Variants in CDT1 observed in about 807,000 individuals in gnomAD.
CDT1 encodes the protein DNA replication factor Cdt1.
Under a neutral mutation model 49.3 loss-of-function variants are expected in CDT1, and 66 were observed. The observed-to-expected ratio is 1.34, with a 90% CI of 1.10 to 1.64. CDT1 has a LOEUF of 1.64. CDT1 is among the 40% of genes most tolerant of loss of function. CDT1 has a pLI of 0.00. For missense variants in CDT1, 958 were observed against 807.7 expected, an observed-to-expected ratio of 1.19 and a Z score of -2.26; for synonymous variants, 424 against 347.4, an observed-to-expected ratio of 1.22 and a Z score of -2.45.
intron 7 of CDT1, 124 bp from the exon 8 acceptor site, chr16:88,806,927 C>T (rs1020356626): frequency 4.2e-5 from 57 of 1,357,442 alleles, no homozygotes; most frequent in South Asian, 3.9e-4. Context: ...CTGCATTGAC[C>T]GGCACAGACC....
Position 88,808,189 on chromosome 16 carries a change from GACAC to G in CDT1, c.1553_1556del (p.Asp518AlafsTer67). 1.9e-6 allele frequency: 3 copies of G among 1,612,798 alleles called. No individual in the cohort carries two copies. Among genetic ancestry groups the G allele is most frequent in the Non-Finnish European group, 2.5e-6 (3 of 1,179,948 alleles). ...GCTCAGCCTCCACCGCATCCGCACC[GACAC>G]CTACGTCAAGCTGGACAAGGCCGCG... On this transcript the variant is annotated frameshift_variant, in exon 10 of 10. Transcript: ENST00000301019. LOFTEE classifies it low-confidence loss of function (END_TRUNC).
rs1243470581 is a variant in CDT1, at chr16:88,804,676, C to T, written c.351+9C>T. 3 of 1,612,030 alleles carry T rather than the reference C, an allele frequency of 1.9e-6. No homozygotes were observed. The highest frequency in any genetic ancestry group is 2.5e-6 in the Non-Finnish European group (3 of 1,179,662). ...CATCCGCGCAGGACCAGGTGAGGGG[C>T]GGGGCCTGGGGCAGATGCGGGAGGG... On this transcript the variant is annotated intron_variant, in intron 2 of 9. Coordinates refer to ENST00000301019, the MANE Select transcript of CDT1 (RefSeq NM_030928.4).
chr16:88,807,304 G>T lies in CDT1; in HGVS notation c.1299G>T (p.Lys433Asn). Reference protein sequence around the residue: ...LERIRAKEAQKQLAQMTRCPE... With the variant: ...LERIRAKEAQNQLAQMTRCPE... Reference sequence around the variant, plus strand: ...AGATCCGAGCCAAGGAGGCACAGAAGCAGCTGGCACAGATGACGCGGTGCC... The same window carrying T: ...AGATCCGAGCCAAGGAGGCACAGAATCAGCTGGCACAGATGACGCGGTGCC... The change falls in exon 9 of 10, where the codon AAG (lysine) becomes AAT (asparagine). Residue 433 changes from lysine to asparagine, a missense_variant. Physicochemically the swap from Lys to Asn is moderately conservative, Grantham distance 94. Transcript: ENST00000301019. The T allele has an allele frequency of 6.2e-7, 1 of 1,612,364 alleles. No individual in the cohort carries two copies. Among genetic ancestry groups the T allele is most frequent in the Non-Finnish European group, 8.5e-7 (1 of 1,179,930 alleles).
chr16:88,804,798 G>T lies in CDT1; in HGVS notation c.388G>T (p.Ala130Ser), dbSNP rs777272162. The T allele has an allele frequency of 1.9e-6, 3 of 1,612,788 alleles. No individual in the cohort carries two copies. The highest frequency in any genetic ancestry group is 2.2e-5 in the South Asian group (2 of 91,082). ...TGAGCTTGCGTCATGCCTGCAACGG[G>T]CCCGGGAGCTGGGGGCAAGAGTCCG... is the stretch of plus-strand genomic sequence containing the variant. ...ISELASCLQRARELGARVRAL... is the reference protein window; with the variant it reads ...ISELASCLQRSRELGARVRAL... Residue 130 changes from alanine to serine, a missense_variant, in exon 3 of 10, where the codon GCC becomes TCC. Ala to Ser is a moderately conservative substitution (Grantham distance 99). Coordinates refer to ENST00000301019, the MANE Select transcript of CDT1 (RefSeq NM_030928.4).
Position 88,805,491 on chromosome 16 carries a change from C to T in CDT1, c.540C>T (p.Gly180=). Residue 180 remains glycine, a synonymous_variant, in exon 4 of 10, where the codon GGC becomes GGT. Coordinates refer to ENST00000301019, the MANE Select transcript of CDT1 (RefSeq NM_030928.4). ...YQRFHALAQP[G]LPGLVLPYKY... is the part of the protein sequence containing the mutation. ...GCTTCCATGCCCTGGCCCAGCCCGG[C>T]CTGCCGGGACTCGTGCTGCCCTACA... 1.2e-6 allele frequency: 2 copies of T among 1,612,876 alleles called. No homozygotes were observed. Among genetic ancestry groups the T allele is most frequent in the South Asian group, 1.1e-5 (1 of 91,086 alleles).
intron 7 of CDT1, among the ~76,000 whole-genome samples, 185 bp downstream of exon 7, chr16:88,806,859 C>G (rs943704887): frequency 6.6e-6 from 1 of 152,268 alleles, no homozygotes; most frequent in African/African-American, 2.4e-5. Context: ...AAGCCTGGCT[C>G]TGCCACTAGC....
chr16:88,805,951 G>C, intron 5 of CDT1, 70 bp from the exon 6 acceptor site: 1 of 1,586,492 alleles, frequency 6.3e-7, no homozygotes, highest in Admixed American at 1.8e-5. Flanking sequence ...CTGGGCATCT[G>C]GCCCAGGACT....
At position 88,806,513 on chromosome 16, in the gene CDT1, A is replaced by G. The variant is rs144458606; in HGVS notation, c.961A>G (p.Met321Val). 3.9e-5 allele frequency: 63 copies of G among 1,610,998 alleles called. No homozygotes were observed. The highest frequency in any genetic ancestry group is 4.0e-5 in the Non-Finnish European group (47 of 1,179,258). ...CTTCCTGGCCTCCCTGAGCCCCGCCATGGTGGTGCCGGAGGACCAGCTGAC... is the reference window on the plus strand; with the variant it reads ...CTTCCTGGCCTCCCTGAGCCCCGCCGTGGTGGTGCCGGAGGACCAGCTGAC... ...KAFLASLSPA[M>V]VVPEDQLTRW... is the part of the protein sequence containing the mutation. The change falls in exon 7 of 10, where the codon ATG becomes GTG. Residue 321 changes from methionine to valine, a missense_variant. By Grantham distance (21) the Met-to-Val change is conservative. Coordinates refer to ENST00000301019, the MANE Select transcript of CDT1 (RefSeq NM_030928.4).
At chr16:88,804,429 C>T in intron 1 of CDT1, 116 bp from the exon 2 acceptor site, 3 of 1,359,810 alleles carry the variant, frequency 2.2e-6, no homozygotes, top group Non-Finnish European at 3.1e-6. Flanking sequence ...GTCCTAAGCC[C>T]CCCAGCCATG....
At position 88,804,582 on chromosome 16, in the gene CDT1, C is replaced by T; in HGVS notation, c.266C>T (p.Pro89Leu). The T allele has an allele frequency of 1.2e-6, 2 of 1,613,134 alleles. No individual in the cohort carries two copies. Among genetic ancestry groups the T allele is most frequent in the Non-Finnish European group, 8.5e-7 (1 of 1,179,920 alleles). ...SPSTPEAPDI[P>L]ACPSPGQKIK... Reference sequence around the variant, plus strand: ...AGTACCCCCGAGGCCCCAGACATCCCAGCCTGCCCTTCTCCGGGCCAGAAG... The same window carrying T: ...AGTACCCCCGAGGCCCCAGACATCCTAGCCTGCCCTTCTCCGGGCCAGAAG... The change falls in exon 2 of 10, where the codon CCA becomes CTA. Residue 89 changes from proline to leucine, a missense_variant. Pro to Leu is a moderately conservative substitution (Grantham distance 98). Transcript: ENST00000301019.
In CDT1 at chr16:88,807,442, T is replaced by C. The variant is rs1349274542; in HGVS notation, c.1437T>C (p.Cys479=). The change falls in exon 9 of 10, where the codon TGT becomes TGC. Residue 479 remains cysteine (C), a synonymous_variant. Coordinates refer to ENST00000301019, the MANE Select transcript of CDT1 (RefSeq NM_030928.4). ...RKPALSMEVA[C]ARMVGSCCTI... ...CTGCGCTCAGCATGGAGGTGGCCTG[T>C]GCCAGGATGGTGGGCAGCTGTTGTA... The C allele has an allele frequency of 1.1e-5, 18 of 1,613,070 alleles. No homozygotes were observed. The highest frequency in any genetic ancestry group is 1.4e-5 in the Non-Finnish European group (17 of 1,179,992).
chr16:88,808,092 A>G (rs1377353910), intron 9 of CDT1, 23 bp from the exon 10 acceptor site: 2 of 1,608,114 alleles, frequency 1.2e-6, no homozygotes, highest in East Asian at 2.2e-5. Context: ...CACCAGCCTC[A>G]GTGTCCTCCT....
At position 88,808,737 on chromosome 16, in the gene CDT1, C is replaced by G. The variant is rs1908971456; in HGVS notation, c.*459C>G. ...CTGGGGTGGGTGTGGTGGCTCACGC[C>G]TGTAACCCCAGCACTTTGGGAGGCC... On this transcript the variant is annotated 3_prime_UTR_variant, in exon 10 of 10. Coordinates refer to ENST00000301019, the MANE Select transcript of CDT1 (RefSeq NM_030928.4). 5.4e-6 allele frequency: 1 copy of G among 184,874 alleles called. No homozygotes were observed. Among genetic ancestry groups the G allele is most frequent in the Non-Finnish European group, 1.1e-5 (1 of 87,116 alleles). The allele number at this position is 184,874 out of a possible 1,614,324, so 11.5% of individuals were successfully genotyped here.
At chr16:88,805,909 A>C (rs1169112452) in intron 5 of CDT1, 40 bp downstream of exon 5, 7 of 1,608,784 alleles carry the variant, frequency 4.4e-6, no homozygotes, top group Non-Finnish European at 5.9e-6. Context: ...CCCATCTGTG[A>C]GCCGCACAGT....
chr16:88,806,090 A>T lies in CDT1; in HGVS notation c.902A>T (p.Lys301Met). ...LLQRRQIFSQKLVEHVKEHHK... is the reference protein window; with the variant it reads ...LLQRRQIFSQMLVEHVKEHHK... ...CAGCGACGGCAGATCTTCAGCCAGA[A>T]GCTGGTGGAGCATGTCAAGGAGCAC... The change falls in exon 6 of 10, where the codon AAG becomes ATG. Residue 301 changes from lysine (K) to methionine (M), a missense_variant. Lys to Met is a moderately conservative substitution (Grantham distance 95). Transcript: ENST00000301019. 1.2e-6 allele frequency: 2 copies of T among 1,601,994 alleles called. No homozygotes were observed. The highest frequency in any genetic ancestry group is 1.7e-6 in the Non-Finnish European group (2 of 1,177,876).
Position 88,808,323 on chromosome 16 carries a change from G to A in CDT1, c.*45G>A. On this transcript the variant is annotated 3_prime_UTR_variant, in exon 10 of 10. Coordinates refer to ENST00000301019, the MANE Select transcript of CDT1 (RefSeq NM_030928.4). ...CAGACGTGGGCTTCAGAAGCTCGCT[G>A]GCCTGGGCCCACCAGCATTTTCTTT... 6.5e-7 allele frequency: 1 copy of A among 1,538,568 alleles called. No homozygotes were observed. The highest frequency in any genetic ancestry group is 8.8e-7 in the Non-Finnish European group (1 of 1,139,276).
intron 6 of CDT1, 182 bp from the exon 7 acceptor site, chr16:88,806,304 A>C: frequency 1.0e-6 from 1 of 972,652 alleles, no homozygotes; most frequent in South Asian, 1.4e-5. Context: ...GAGGTCCCCA[A>C]GGCGTTCAGC....
intron 3 of CDT1, among the ~76,000 whole-genome samples, chr16:88,805,227 T>G (rs904052869): frequency 6.6e-6 from 1 of 152,196 alleles, no homozygotes; most frequent in East Asian, 1.9e-4. Flanking sequence ...GGGAGCTGCG[T>G]GGACACAGCA....
At chr16:88,806,805 A>T in intron 7 of CDT1, 131 bp downstream of exon 7, 1 of 1,298,784 alleles carries the variant, frequency 7.7e-7, no homozygotes, top group East Asian at 2.5e-5. Flanking sequence ...TGGCGGATCC[A>T]GAGAGTTGGT....
Sources: gnomAD v4.1 joint callset for allele counts (sites outside exome capture counted in the v4.1 genomes callset) on GRCh38, gnomAD v4.1.1 for gene constraint, MANE v1.5 for transcripts, NCBI Gene and HGNC (gene_info 2026-07-23, HGNC 2026-07-21) for gene names.